TRIO: variants seen among roughly 807,000 people sequenced by gnomAD.
TRIO encodes trio Rho guanine nucleotide exchange factor, also known as triple functional domain protein.
Under a neutral mutation model 351.9 loss-of-function variants are expected in TRIO, and 58 were observed. That is an observed-to-expected ratio of 0.16 (90% confidence interval 0.13 to 0.21). TRIO has a LOEUF of 0.21. TRIO is among the 10% of genes least tolerant of loss of function. The pLI is 1.00. For missense variants in TRIO, 3,201 were observed against 4,027.8 expected, an observed-to-expected ratio of 0.79 and a Z score of 5.56; for synonymous variants, 1,758 against 1,595.7, an observed-to-expected ratio of 1.10 and a Z score of -2.42.
intron 21 of TRIO, among the ~76,000 whole-genome samples, chr5:14,382,851 GTGTC>G (rs1746229343): frequency 7.1e-6 from 1 of 140,144 alleles, no homozygotes; most frequent in African/African-American, 2.7e-5. Flanking sequence ...GGGCGTGTGT[GTGTC>G]TGTGTGTGTG....
chr5:14,235,420 AG>A (rs757696720), intron 1 of TRIO, among the ~76,000 whole-genome samples: 25 of 152,208 alleles, frequency 1.6e-4, no homozygotes, highest in Non-Finnish European at 2.8e-4. Flanking sequence ...TATTTTCTCT[AG>A]TAAGTCTTCT....
At chr5:14,307,369 G>A (rs749213739) in intron 8 of TRIO, among the ~76,000 whole-genome samples, 57 of 152,328 alleles carry the variant, frequency 3.7e-4, no homozygotes, top group Non-Finnish European at 7.1e-4. Context: ...TAATTGCCAT[G>A]TCTTACCAAT....
intron 48 of TRIO, chr5:14,489,089 C>T: frequency 1.3e-6 from 1 of 764,646 alleles, no homozygotes; most frequent in South Asian, 1.3e-5. Flanking sequence ...TAGAACTGTT[C>T]TAATGAGTGT....
intron 19 of TRIO, among the ~76,000 whole-genome samples, chr5:14,377,155 T>G (rs542266405): frequency 6.8e-6 from 1 of 148,134 alleles, no homozygotes; most frequent in South Asian, 2.1e-4. Flanking sequence ...TCATGAGGTT[T>G]GTTTTTTTTT....
chr5:14,221,498 A>T (rs1345435737), intron 1 of TRIO, among the ~76,000 whole-genome samples: 1 of 152,242 alleles, frequency 6.6e-6, no homozygotes, highest in Non-Finnish European at 1.5e-5. Context: ...ACCATTCTAG[A>T]TGTCATGAGG....
intron 24 of TRIO, 111 bp downstream of exon 24, chr5:14,388,790 T>C: frequency 7.8e-7 from 1 of 1,277,000 alleles, no homozygotes; most frequent in Non-Finnish European, 1.1e-6. Flanking sequence ...TTTTTTTCTG[T>C]CATTTTTTTA....
intron 55 of TRIO, among the ~76,000 whole-genome samples, 177 bp from the exon 56 acceptor site, chr5:14,506,945 C>T (rs1757730839): frequency 6.6e-6 from 1 of 152,224 alleles, no homozygotes; most frequent in South Asian, 2.1e-4. Flanking sequence ...TCGCATCTTC[C>T]CAACAGAGCT....
chr5:14,201,249 A>G (rs1305664887), intron 1 of TRIO, among the ~76,000 whole-genome samples: 1 of 152,224 alleles, frequency 6.6e-6, no homozygotes, highest in Admixed American at 6.5e-5. Flanking sequence ...AACAAGAGCG[A>G]AACTCCATCT....
chr5:14,183,769 T>C (rs1789938061), intron 1 of TRIO: 3 of 543,764 alleles, frequency 5.5e-6, no homozygotes, highest in Non-Finnish European at 1.0e-5. Context: ...CGGCCGCAGT[T>C]ACAGCATGCT....
intron 7 of TRIO, among the ~76,000 whole-genome samples, chr5:14,302,310 C>T (rs886545406): frequency 6.6e-6 from 1 of 152,190 alleles, no homozygotes; most frequent in Non-Finnish European, 1.5e-5. Context: ...TGCAACTCCT[C>T]TTGGTTTTGG....
intron 34 of TRIO, among the ~76,000 whole-genome samples, chr5:14,426,648 C>G (rs971460223): frequency 6.6e-6 from 1 of 152,116 alleles, no homozygotes; most frequent in South Asian, 2.1e-4. Context: ...TGTTTTAAAC[C>G]GTAGGCTCGG....
At chr5:14,428,415 G>A (rs1347093465) in intron 34 of TRIO, among the ~76,000 whole-genome samples, 2 of 151,604 alleles carry the variant, frequency 1.3e-5, no homozygotes, top group East Asian at 3.8e-4. Flanking sequence ...GAAAAGAGCA[G>A]TTGTATTCTG....
chr5:14,255,289 C>G (rs1225690007), intron 1 of TRIO, among the ~76,000 whole-genome samples: 2 of 152,172 alleles, frequency 1.3e-5, no homozygotes, highest in African/African-American at 2.4e-5. Flanking sequence ...TGACATATCT[C>G]TAGGCGTAGA....
chr5:14,436,266 G>A (rs553742652), intron 34 of TRIO, among the ~76,000 whole-genome samples: 14 of 152,306 alleles, frequency 9.2e-5, no homozygotes, highest in African/African-American at 3.4e-4. Context: ...GAGAGAGCTT[G>A]TGTAGGGGAA....
At chr5:14,349,845 A>G (rs567834330) in intron 11 of TRIO, among the ~76,000 whole-genome samples, 10 of 152,274 alleles carry the variant, frequency 6.6e-5, no homozygotes, top group African/African-American at 1.9e-4. Flanking sequence ...ATAGTACCCA[A>G]TAGGTATTTT....
chr5:14,290,671 A>G (rs371857006), intron 4 of TRIO, 45 bp from the exon 5 acceptor site: 2 of 1,535,110 alleles, frequency 1.3e-6, no homozygotes, highest in African/African-American at 1.4e-5. Flanking sequence ...TTAAAACTAT[A>G]TAAAATTGGT....
At position 14,350,846 on chromosome 5, in the gene TRIO, T is replaced by C. The variant is rs917537651; in HGVS notation, c.2047-7332T>C. Reference sequence around the variant, plus strand: ...CAGGGACCGGTTTTGTGGAAGACGATTTTTCCACAGACCAGCGGTGTTGGT... The same window carrying C: ...CAGGGACCGGTTTTGTGGAAGACGACTTTTCCACAGACCAGCGGTGTTGGT... On this transcript the variant is annotated intron_variant, in intron 11 of 56. Coordinates refer to ENST00000344204, the MANE Select transcript of TRIO (RefSeq NM_007118.4). 4.6e-5 allele frequency among the ~76,000 whole-genome samples: 7 copies of C among 152,166 alleles called. No homozygotes were observed. In the East Asian group the frequency reaches 1.3e-3, roughly 29 times the overall value.
intron 33 of TRIO, among the ~76,000 whole-genome samples, chr5:14,408,883 AAG>A (rs1378525626): frequency 4.6e-5 from 7 of 152,266 alleles, no homozygotes; most frequent in African/African-American, 1.7e-4. Context: ...AAAAAAAAAA[AAG>A]TAAATTTTTT....
chr5:14,399,926 A>T (rs1221374411), intron 30 of TRIO, among the ~76,000 whole-genome samples: 1 of 152,214 alleles, frequency 6.6e-6, no homozygotes, highest in Non-Finnish European at 1.5e-5. Flanking sequence ...TTTACAGCAG[A>T]TCTCTTATAA....
Sources: gnomAD v4.1 joint callset for allele counts (sites outside exome capture counted in the v4.1 genomes callset) on GRCh38, gnomAD v4.1.1 for gene constraint, MANE v1.5 for transcripts, NCBI Gene and HGNC (gene_info 2026-07-23, HGNC 2026-07-21) for gene names.